The following CORIN variants were observed in gnomAD, a reference collection of about 807,000 sequenced individuals.
The protein encoded by CORIN is corin, serine peptidase.
In CORIN, 117 loss-of-function variants were observed where a neutral mutation model predicts 125.3. The ratio of observed to expected loss-of-function variants is 0.93; its 90% CI spans 0.80 to 1.09. The LOEUF is 1.09. Ranked by LOEUF, CORIN falls within the 50% of genes least tolerant of loss-of-function variation. The probability of loss-of-function intolerance (pLI) is 0.00; values close to 1 mark genes in which losing one functional copy is unlikely to be tolerated. For synonymous variants in CORIN, 450 were observed against 466.4 expected (o/e 0.96, Z 0.45); for missense variants, 1,253 against 1,306.7 (o/e 0.96, Z 0.63).
chr4:47,836,149 A>G (rs1733390410), intron 1 of CORIN, among the ~76,000 whole-genome samples: 2 of 152,158 alleles, frequency 1.3e-5, no homozygotes, highest in South Asian at 2.1e-4. Context: ...AGCCAAGCCC[A>G]CACGTGAGTC....
intron 4 of CORIN, among the ~76,000 whole-genome samples, chr4:47,761,382 G>A (rs1452115657): frequency 6.6e-6 from 1 of 152,000 alleles, no homozygotes; most frequent in Non-Finnish European, 1.5e-5. Context: ...CGCAGAATAG[G>A]AAGGCCCCAG....
intron 4 of CORIN, among the ~76,000 whole-genome samples, chr4:47,746,198 T>A (rs1728656312): frequency 6.6e-6 from 1 of 152,198 alleles, no homozygotes; most frequent in Admixed American, 6.5e-5. Flanking sequence ...GCGAATATAC[T>A]TTCTCAAATA....
rs146408075 is a variant in CORIN at position 47,623,881 on chromosome 4, C to A, written c.2365+18G>T. The A allele has an allele frequency of 2.8e-5, 45 of 1,612,360 alleles. 1 individual carries two copies. The African/African-American group carries it at 5.7e-4, about 21-fold the overall frequency. ...CAATTAAGTTCATATCCCATTGCCACACCTCTAATTCTCTCACCTTGTTTA... is the reference window on the plus strand; with the variant it reads ...CAATTAAGTTCATATCCCATTGCCAAACCTCTAATTCTCTCACCTTGTTTA... On this transcript the variant is annotated intron_variant, in intron 18 of 21. Transcript: ENST00000273857.
At chr4:47,784,973 G>A (rs1333755702) in intron 3 of CORIN, among the ~76,000 whole-genome samples, 1 of 152,122 alleles carries the variant, frequency 6.6e-6, no homozygotes, top group Admixed American at 6.5e-5. Flanking sequence ...TCAAACACTG[G>A]CAAACATATA....
intron 1 of CORIN, among the ~76,000 whole-genome samples, chr4:47,822,820 C>CTT (rs1359423811): frequency 0.01 from 1,445 of 142,698 alleles, 21 homozygotes; most frequent in African/African-American, 0.035. Flanking sequence ...CTTTCCATTT[C>CTT]TTTTTTTTTT....
At chr4:47,616,696 G>A (rs745483551) in intron 19 of CORIN, among the ~76,000 whole-genome samples, 8 of 152,148 alleles carry the variant, frequency 5.3e-5, no homozygotes, top group African/African-American at 7.2e-5. Flanking sequence ...GGGCTGAAGA[G>A]AATGTGGGAC....
At chr4:47,757,927 T>C (rs1328842591) in intron 4 of CORIN, among the ~76,000 whole-genome samples, 2 of 147,968 alleles carry the variant, frequency 1.4e-5, no homozygotes, top group African/African-American at 5.0e-5. Context: ...CACATATATA[T>C]ATTTGAGACA....
At chr4:47,804,997 G>A (rs1425918535) in intron 2 of CORIN, among the ~76,000 whole-genome samples, 2 of 151,320 alleles carry the variant, frequency 1.3e-5, no homozygotes, top group Non-Finnish European at 3.0e-5. Context: ...ATAGCCGGGC[G>A]TGGTGGCGGG....
Position 47,643,228 on chromosome 4 carries a change from A to C in CORIN, c.1986T>G (p.Cys662Trp), listed in dbSNP as rs1723311294. 6.2e-7 allele frequency: 1 copy of C among 1,609,508 alleles called. No homozygotes were observed. The highest frequency in any genetic ancestry group is 1.7e-5 in the Admixed American group (1 of 59,222). The change falls in exon 15 of 22, where the codon TGT becomes TGG. Residue 662 changes from cysteine to tryptophan, a missense_variant. Physicochemically the swap from Cys to Trp is radical, Grantham distance 215 (BLOSUM62 -2). Transcript: ENST00000273857. ...CSFCQDDELE[C>W]ANHACVSRDL... ...CACGTGACACACACGCATGGTTTGCACATTCCAGCTCATCATCTTGGCAAA... is the reference window on the plus strand; with the variant it reads ...CACGTGACACACACGCATGGTTTGCCCATTCCAGCTCATCATCTTGGCAAA...
At chr4:47,738,073 A>T (rs554795929) in intron 5 of CORIN, among the ~76,000 whole-genome samples, 1 of 152,308 alleles carries the variant, frequency 6.6e-6, no homozygotes, top group South Asian at 2.1e-4. Flanking sequence ...CAAGAAGCTA[A>T]CCAGAAAAAT....
At chr4:47,679,632 G>A (rs147354844) in intron 8 of CORIN, 1,937 of 152,676 alleles carry the variant, frequency 0.013, 35 homozygotes, top group Admixed American at 0.021. Context: ...GACTACAGGC[G>A]TGAGCCACCA....
intron 12 of CORIN, among the ~76,000 whole-genome samples, chr4:47,659,829 C>A (rs1724166832): frequency 6.6e-6 from 1 of 152,104 alleles, no homozygotes; most frequent in Non-Finnish European, 1.5e-5. Context: ...ACATTCTTCA[C>A]AGAAATGGGA....
At chr4:47,720,570 T>C (rs2109796144) in intron 5 of CORIN, among the ~76,000 whole-genome samples, 1 of 152,330 alleles carries the variant, frequency 6.6e-6, no homozygotes, top group Middle Eastern at 3.4e-3. Flanking sequence ...TATTTGCTTT[T>C]ATATGCAATC....
chr4:47,821,712 C>T (rs1416042203), intron 1 of CORIN, among the ~76,000 whole-genome samples: 1 of 152,090 alleles, frequency 6.6e-6, no homozygotes. Context: ...TGTCTCATTT[C>T]TTCCCAGCGC....
chr4:47,722,697 C>T (rs1276415288), intron 5 of CORIN, among the ~76,000 whole-genome samples: 1 of 152,094 alleles, frequency 6.6e-6, no homozygotes, highest in South Asian at 2.1e-4. Flanking sequence ...ATCTGTCTAC[C>T]GAAATACGTA....
intron 10 of CORIN, among the ~76,000 whole-genome samples, chr4:47,671,530 A>C (rs1230201741): frequency 6.6e-6 from 1 of 152,246 alleles, no homozygotes; most frequent in African/African-American, 2.4e-5. Context: ...TTGAAAGATC[A>C]GGAATAACAT....
chr4:47,626,993 G>GT lies in CORIN; in HGVS notation c.2199-473dup, dbSNP rs200009610. 1.7e-3 allele frequency among the ~76,000 whole-genome samples: 217 copies of GT among 126,082 alleles called. 1 individual carries two copies. The highest frequency in any genetic ancestry group is 1.3e-3 in the African/African-American group (47 of 34,836). The allele number at this position is 126,082 out of a possible 152,430, so 82.7% of individuals were successfully genotyped here. A position where few individuals can be genotyped will look rare whatever the true frequency, so the allele number is the denominator to read the frequency against. On this transcript the variant is annotated intron_variant, in intron 16 of 21. Coordinates refer to ENST00000273857, the MANE Select transcript of CORIN (RefSeq NM_006587.4). Reference sequence around the variant, plus strand: ...GTAGGTTGTTGTTGTTGTTGTTGTTGTTTTTTTTTTGATGAAGTCTTGCTC... The same window carrying GT: ...GTAGGTTGTTGTTGTTGTTGTTGTTGTTTTTTTTTTTGATGAAGTCTTGCTC...
Position 47,683,790 on chromosome 4 carries a change from T to C in CORIN, c.962A>G (p.Tyr321Cys), listed in dbSNP as rs1272797091. The C allele has an allele frequency of 6.2e-7, 1 of 1,613,660 alleles. No homozygotes were observed. Among genetic ancestry groups the C allele is most frequent in the African/African-American group, 1.3e-5 (1 of 74,912 alleles). Residue 321 changes from tyrosine (Y) to cysteine (C), a missense_variant, in exon 7 of 22, where the codon TAC becomes TGC. Transcript: ENST00000273857. ...FHCHTGKCLN[Y>C]SLVCDGYDDC... ...ATCATATCCATCACACACAAGGCTG[T>C]AATTAAGGCACTTGCCTGTGTGACA... is the stretch of plus-strand genomic sequence containing the variant.
At chr4:47,679,990 T>A (rs559840542) in intron 8 of CORIN, 151 bp downstream of exon 8, 10 of 552,186 alleles carry the variant, frequency 1.8e-5, no homozygotes, top group Non-Finnish European at 2.9e-5. Flanking sequence ...CATGACTCAG[T>A]GATCTTTACA....
Sources: gnomAD v4.1 joint callset for allele counts (sites outside exome capture counted in the v4.1 genomes callset) on GRCh38, gnomAD v4.1.1 for gene constraint, MANE v1.5 for transcripts, NCBI Gene and HGNC (gene_info 2026-07-23, HGNC 2026-07-21) for gene names.